VAV3: variants seen among roughly 807,000 people sequenced by gnomAD.
VAV3 encodes vav guanine nucleotide exchange factor 3, also known as guanine nucleotide exchange factor VAV3.
In VAV3, 94 loss-of-function variants were observed where a neutral mutation model predicts 131.2. That is an observed-to-expected ratio of 0.72 (90% CI 0.61 to 0.85). The LOEUF is 0.85. Ranked by LOEUF, VAV3 falls within the 40% of genes least tolerant of loss-of-function variation. VAV3 has a pLI of 0.00. For synonymous variants in VAV3, 349 were observed against 342.0 expected (o/e 1.02, Z -0.22); for missense variants, 939 against 1,002.7 (o/e 0.94, Z 0.86).
At chr1:107,879,397 T>C (rs1014455336) in intron 1 of VAV3, among the ~76,000 whole-genome samples, 47 of 152,210 alleles carry the variant, frequency 3.1e-4, no homozygotes, top group African/African-American at 1.1e-3. Flanking sequence ...AATGTTCCTC[T>C]CAGAAAATTC....
intron 10 of VAV3, among the ~76,000 whole-genome samples, chr1:107,757,722 TTTG>T (rs567567597): frequency 3.3e-5 from 5 of 152,340 alleles, no homozygotes; most frequent in South Asian, 4.1e-4. Flanking sequence ...GGATGTTCTA[TTTG>T]TTGTTGTTAT....
intron 1 of VAV3, among the ~76,000 whole-genome samples, chr1:107,932,224 T>C (rs1263732283): frequency 1.3e-5 from 2 of 152,208 alleles, no homozygotes; most frequent in African/African-American, 4.8e-5. Context: ...GCACGAGAGA[T>C]GCCACACAAG....
intron 15 of VAV3, among the ~76,000 whole-genome samples, chr1:107,706,089 C>T (rs1486484658): frequency 6.6e-6 from 1 of 151,970 alleles, no homozygotes; most frequent in African/African-American, 2.4e-5. Flanking sequence ...GAAAATTAGA[C>T]TAGGATAAGT....
chr1:107,821,092 G>A (rs960491925), intron 2 of VAV3, among the ~76,000 whole-genome samples: 4 of 152,166 alleles, frequency 2.6e-5, no homozygotes, highest in African/African-American at 9.7e-5. Flanking sequence ...TACTATAGAA[G>A]AAGATATTAT....
At chr1:107,641,336 C>G (rs1399820780) in intron 20 of VAV3, among the ~76,000 whole-genome samples, 1 of 152,198 alleles carries the variant, frequency 6.6e-6, no homozygotes, top group Non-Finnish European at 1.5e-5. Flanking sequence ...TCTGATTTCT[C>G]TCTTTTTACC....
At chr1:107,874,149 A>C (rs1289170391) in intron 2 of VAV3, among the ~76,000 whole-genome samples, 1 of 152,156 alleles carries the variant, frequency 6.6e-6, no homozygotes, top group Non-Finnish European at 1.5e-5. Context: ...GCATAAGCTA[A>C]AGTCCTGTCA....
At chr1:107,906,088 T>C (rs1487056328) in intron 1 of VAV3, among the ~76,000 whole-genome samples, 1 of 152,126 alleles carries the variant, frequency 6.6e-6, no homozygotes, top group Non-Finnish European at 1.5e-5. Flanking sequence ...TCCAATTACC[T>C]AAGGTCTTCC....
intron 1 of VAV3, among the ~76,000 whole-genome samples, chr1:107,939,168 A>G (rs528319190): frequency 8.5e-5 from 13 of 152,296 alleles, no homozygotes; most frequent in East Asian, 3.9e-4. Context: ...TTTTCTAAAC[A>G]CTAAGATAAC....
chr1:107,940,671 A>T (rs1404095665), intron 1 of VAV3, among the ~76,000 whole-genome samples: 1 of 152,242 alleles, frequency 6.6e-6, no homozygotes, highest in Non-Finnish European at 1.5e-5. Flanking sequence ...ATTCTGGCAC[A>T]GGCTACAACA....
intron 19 of VAV3, among the ~76,000 whole-genome samples, chr1:107,663,511 G>GAAAAAAGA (rs1557743570): frequency 3.3e-5 from 5 of 151,982 alleles, no homozygotes; most frequent in Admixed American, 6.6e-5. Flanking sequence ...AAAAAAAAAT[G>GAAAAAAGA]GTTTGATAAG....
At chr1:107,728,612 T>TGTATACGTATACGTATAC (rs1557798930) in intron 15 of VAV3, among the ~76,000 whole-genome samples, 6 of 90,518 alleles carry the variant, frequency 6.6e-5, no homozygotes, top group African/African-American at 1.8e-4. Flanking sequence ...TATATGTATA[T>TGTATACGTATACGTATAC]GTATATGTAT....
chr1:107,894,724 G>A (rs1365260151), intron 1 of VAV3, among the ~76,000 whole-genome samples: 1 of 152,162 alleles, frequency 6.6e-6, no homozygotes, highest in African/African-American at 2.4e-5. Flanking sequence ...AACAGTGACT[G>A]AAAGACAAAT....
At chr1:107,624,137 T>C (rs906118165) in intron 20 of VAV3, among the ~76,000 whole-genome samples, 1 of 152,028 alleles carries the variant, frequency 6.6e-6, no homozygotes, top group Non-Finnish European at 1.5e-5. Context: ...AGTTGTGAAA[T>C]GTATACTGAG....
At chr1:107,773,504 C>G (rs1346497786) in intron 4 of VAV3, among the ~76,000 whole-genome samples, 1 of 152,172 alleles carries the variant, frequency 6.6e-6, no homozygotes, top group Non-Finnish European at 1.5e-5. Context: ...CACCAGTCCC[C>G]CATCAACCAG....
intron 1 of VAV3, among the ~76,000 whole-genome samples, chr1:107,930,190 T>C (rs1295689647): frequency 6.6e-6 from 1 of 152,208 alleles, no homozygotes; most frequent in Non-Finnish European, 1.5e-5. Context: ...ACTGGATTGT[T>C]TGTAACACAA....
chr1:107,815,748 A>G (rs1337739211), intron 2 of VAV3, among the ~76,000 whole-genome samples: 2 of 152,204 alleles, frequency 1.3e-5, no homozygotes, highest in African/African-American at 2.4e-5. Context: ...CCTAGTAGCA[A>G]TATCTCCCAA....
chr1:107,943,241 T>C (rs1571171737), intron 1 of VAV3, among the ~76,000 whole-genome samples: 1 of 152,336 alleles, frequency 6.6e-6, no homozygotes, highest in African/African-American at 2.4e-5. Context: ...GAGTGATGTT[T>C]TGATATACGT....
intron 19 of VAV3, among the ~76,000 whole-genome samples, chr1:107,676,757 T>C (rs983841593): frequency 5.1e-4 from 77 of 152,208 alleles, no homozygotes; most frequent in African/African-American, 1.7e-3. Context: ...TTTACTGATG[T>C]CTGTTTTAGA....
intron 17 of VAV3, among the ~76,000 whole-genome samples, chr1:107,692,756 A>T (rs1333713612): frequency 1.3e-5 from 2 of 152,200 alleles, no homozygotes; most frequent in African/African-American, 4.8e-5. Context: ...GCTGGCCTAG[A>T]TAAAAGTGCA....
Sources: gnomAD v4.1 joint callset for allele counts (sites outside exome capture counted in the v4.1 genomes callset) on GRCh38, gnomAD v4.1.1 for gene constraint, MANE v1.5 for transcripts, NCBI Gene and HGNC (gene_info 2026-07-23, HGNC 2026-07-21) for gene names.